The following SKAP2 variants were observed in gnomAD, a reference collection of about 807,000 sequenced individuals.
SKAP2 encodes the protein src kinase-associated phosphoprotein 2.
In SKAP2, 28 loss-of-function variants were observed where a neutral mutation model predicts 54.9. The observed-to-expected ratio is 0.51, with a 90% CI of 0.38 to 0.70. SKAP2 has a LOEUF of 0.70. SKAP2 is among the 30% of genes least tolerant of loss of function. The probability of loss-of-function intolerance (pLI) is 0.00; values close to 1 mark genes in which losing one functional copy is unlikely to be tolerated. For synonymous variants in SKAP2, 137 were observed against 134.3 expected, an observed-to-expected ratio of 1.02 and a Z score of -0.14; for missense variants, 356 against 424.1, an observed-to-expected ratio of 0.84 and a Z score of 1.41.
At chr7:26,671,775 C>T (rs1212309070) in intron 11 of SKAP2, among the ~76,000 whole-genome samples, 1 of 151,906 alleles carries the variant, frequency 6.6e-6, no homozygotes, top group Non-Finnish European at 1.5e-5. Flanking sequence ...GCCCAGAACC[C>T]AATGATGGCT....
chr7:26,839,835 A>C (rs1264746846), intron 4 of SKAP2, among the ~76,000 whole-genome samples: 1 of 152,050 alleles, frequency 6.6e-6, no homozygotes, highest in Non-Finnish European at 1.5e-5. Flanking sequence ...GGACAGGTTT[A>C]TATCTAAGCC....
the SKAP2 span, among the ~76,000 whole-genome samples, chr7:26,658,812 A>G: frequency 2.6e-5 from 4 of 151,742 alleles, no homozygotes; most frequent in Non-Finnish European, 5.9e-5. Flanking sequence ...TGTTCAAAGC[A>G]ATGAATACCC....
At chr7:26,762,037 C>T (rs1196001161) in intron 4 of SKAP2, among the ~76,000 whole-genome samples, 1 of 152,058 alleles carries the variant, frequency 6.6e-6, no homozygotes, top group African/African-American at 2.4e-5. Flanking sequence ...ACTTACAGGC[C>T]ACAGTCACCA....
At chr7:26,728,839 T>G (rs1292716943) in intron 6 of SKAP2, among the ~76,000 whole-genome samples, 2 of 152,116 alleles carry the variant, frequency 1.3e-5, no homozygotes, top group Admixed American at 1.3e-4. Context: ...GGACCAGATT[T>G]AGAGGAAAGC....
intron 1 of SKAP2, among the ~76,000 whole-genome samples, chr7:26,862,668 G>C (rs980618828): frequency 4.6e-5 from 7 of 151,878 alleles, no homozygotes; most frequent in Non-Finnish European, 1.0e-4. Flanking sequence ...ACACAAATAA[G>C]GGCCACAGGA....
chr7:26,688,017 A>C (rs1786686651), intron 10 of SKAP2, among the ~76,000 whole-genome samples: 1 of 152,168 alleles, frequency 6.6e-6, no homozygotes, highest in South Asian at 2.1e-4. Context: ...TTAATTAGCC[A>C]GCCTGTGAAA....
chr7:26,829,661 T>G (rs922428306), intron 4 of SKAP2, among the ~76,000 whole-genome samples: 1 of 152,192 alleles, frequency 6.6e-6, no homozygotes, highest in African/African-American at 2.4e-5. Flanking sequence ...AAAAGGTGAT[T>G]AACATTATTA....
At chr7:26,806,181 A>G (rs528427144) in intron 4 of SKAP2, among the ~76,000 whole-genome samples, 2 of 152,272 alleles carry the variant, frequency 1.3e-5, no homozygotes, top group East Asian at 3.9e-4. Context: ...ATTCCCTGAG[A>G]CATAACAATA....
At chr7:26,863,351 C>A (rs555388777) in intron 1 of SKAP2, among the ~76,000 whole-genome samples, 25 of 152,074 alleles carry the variant, frequency 1.6e-4, no homozygotes, top group African/African-American at 5.1e-4. Flanking sequence ...TATTCATAAG[C>A]AATACTGAGA....
intron 4 of SKAP2, among the ~76,000 whole-genome samples, chr7:26,820,926 C>T (rs1288999223): frequency 6.6e-6 from 1 of 152,144 alleles, no homozygotes; most frequent in African/African-American, 2.4e-5. Flanking sequence ...CCTATCCCTA[C>T]TACAATCTTT....
At chr7:26,743,078 G>C (rs1782487437) in intron 4 of SKAP2, among the ~76,000 whole-genome samples, 1 of 152,116 alleles carries the variant, frequency 6.6e-6, no homozygotes, top group Admixed American at 6.5e-5. Flanking sequence ...CAACAACAAA[G>C]AGCTGCCACA....
intron 4 of SKAP2, among the ~76,000 whole-genome samples, chr7:26,748,535 C>T (rs543068902): frequency 1.3e-5 from 2 of 152,130 alleles, no homozygotes; most frequent in African/African-American, 2.4e-5. Flanking sequence ...ATTTTGCCTG[C>T]CACATAAAGT....
At chr7:26,864,067 A>T (rs917689789) in intron 1 of SKAP2, among the ~76,000 whole-genome samples, 1 of 150,204 alleles carries the variant, frequency 6.7e-6, no homozygotes, top group African/African-American at 2.5e-5. Flanking sequence ...ACACACACAC[A>T]CACACACACA....
intron 4 of SKAP2, among the ~76,000 whole-genome samples, chr7:26,841,093 A>C (rs762395126): frequency 4.0e-4 from 61 of 152,100 alleles, no homozygotes; most frequent in Non-Finnish European, 7.9e-4. Context: ...TCTTTTGTAT[A>C]GAGAAGCAGC....
rs371260844 is a variant in SKAP2 at position 26,810,689 on chromosome 7, G to GT, written c.307+33340dup. Among the ~76,000 whole-genome samples the GT allele has an allele frequency of 4.4e-3, 667 of 152,036 alleles. 6 individuals carry two copies. Among genetic ancestry groups the GT allele is most frequent in the African/African-American group, 0.015 (626 of 41,480 alleles). ...TATATATATATACATGTTTTTGTTT[G>GT]TTTTTTTCTTTGAGACACAGTCTCA... On this transcript the variant is annotated intron_variant, in intron 4 of 12. Transcript: ENST00000345317.
At chr7:26,695,848 C>T (rs1786883163) in intron 9 of SKAP2, among the ~76,000 whole-genome samples, 1 of 152,160 alleles carries the variant, frequency 6.6e-6, no homozygotes, top group Non-Finnish European at 1.5e-5. Context: ...ACTATTTGGG[C>T]ATTGCACACA....
intron 4 of SKAP2, among the ~76,000 whole-genome samples, chr7:26,827,929 C>A (rs1020494662): frequency 5.9e-5 from 9 of 152,176 alleles, no homozygotes; most frequent in Admixed American, 4.6e-4. Context: ...TGTCTCAGTC[C>A]CCTATGTGAC....
intron 3 of SKAP2, among the ~76,000 whole-genome samples, chr7:26,844,912 A>G (rs1311651786): frequency 6.6e-6 from 1 of 152,100 alleles, no homozygotes; most frequent in African/African-American, 2.4e-5. Context: ...TTTTAGGCTA[A>G]TTAATCTCCA....
intron 4 of SKAP2, among the ~76,000 whole-genome samples, chr7:26,841,551 T>A (rs1206075500): frequency 1.8e-4 from 28 of 152,006 alleles, no homozygotes. Context: ...AAGATATAAC[T>A]TATGCTGCTT....
Sources: allele counts gnomAD v4.1 joint callset (sites outside exome capture counted in the v4.1 genomes callset), GRCh38; gene constraint gnomAD v4.1.1; transcripts MANE v1.5; gene names NCBI Gene and HGNC (gene_info 2026-07-23, HGNC 2026-07-21).